TTLL5: variants seen among roughly 807,000 people sequenced by gnomAD.
The protein encoded by TTLL5 is tubulin tyrosine ligase like 5.
TTLL5 carries 132 observed loss-of-function variants against 168.4 expected under a neutral mutation model. The observed-to-expected ratio is 0.78, with a 90% confidence interval of 0.68 to 0.91. The LOEUF (loss-of-function observed/expected upper bound fraction) is 0.91. TTLL5 is among the 40% of genes least tolerant of loss of function. The pLI, the probability that TTLL5 is intolerant of heterozygous loss-of-function variation, is 0.00. For missense variants in TTLL5, 1,545 were observed against 1,581.5 expected, an observed-to-expected ratio of 0.98 and a Z score of 0.39; for synonymous variants, 546 against 558.6, an observed-to-expected ratio of 0.98 and a Z score of 0.32.
chr14:75,810,050 A>G (rs1192453044), intron 27 of TTLL5, among the ~76,000 whole-genome samples: 1 of 152,084 alleles, frequency 6.6e-6, no homozygotes, highest in East Asian at 1.9e-4. Context: ...AGGAACCTGT[A>G]TACTGTTTTC....
At chr14:75,696,336 C>A (rs183946122) in intron 6 of TTLL5, among the ~76,000 whole-genome samples, 1 of 152,002 alleles carries the variant, frequency 6.6e-6, no homozygotes, top group African/African-American at 2.4e-5. Flanking sequence ...TAATACTGTG[C>A]GCCCCACACC....
intron 28 of TTLL5, among the ~76,000 whole-genome samples, chr14:75,851,561 TC>T (rs940460988): frequency 6.6e-6 from 1 of 152,030 alleles, no homozygotes; most frequent in Non-Finnish European, 1.5e-5. Flanking sequence ...AACCCCCACT[TC>T]CCCACAGGAG....
chr14:75,759,872 G>A (rs753686424), intron 18 of TTLL5, among the ~76,000 whole-genome samples: 1 of 152,062 alleles, frequency 6.6e-6, no homozygotes, highest in Non-Finnish European at 1.5e-5. Context: ...AAACTTCATT[G>A]ATAAAGGCCT....
At chr14:75,741,229 G>C (rs1204751017) in intron 15 of TTLL5, among the ~76,000 whole-genome samples, 1 of 152,146 alleles carries the variant, frequency 6.6e-6, no homozygotes, top group Non-Finnish European at 1.5e-5. Context: ...TTTATCCTTG[G>C]TGCATGTTGC....
intron 31 of TTLL5, among the ~76,000 whole-genome samples, chr14:75,928,342 C>CATATAT (rs3034073): frequency 0.022 from 1,782 of 81,960 alleles, 121 homozygotes; most frequent in Middle Eastern, 0.063. Flanking sequence ...ATGACAAAAA[C>CATATAT]ATATATATAT....
intron 31 of TTLL5, among the ~76,000 whole-genome samples, chr14:75,921,825 C>T (rs187201135): frequency 3.5e-4 from 54 of 152,258 alleles, no homozygotes; most frequent in African/African-American, 1.3e-3. Flanking sequence ...GGCAATATGG[C>T]CATTTTCACT....
intron 26 of TTLL5, among the ~76,000 whole-genome samples, chr14:75,785,486 T>A (rs766846030): frequency 1.3e-4 from 20 of 152,176 alleles, no homozygotes; most frequent in Non-Finnish European, 2.4e-4. Context: ...GCCCCTCCTA[T>A]GTTTTATAGT....
chr14:75,740,962 T>C (rs1481439858), intron 15 of TTLL5, among the ~76,000 whole-genome samples: 2 of 152,200 alleles, frequency 1.3e-5, no homozygotes, highest in Non-Finnish European at 2.9e-5. Flanking sequence ...TCTTAGGATA[T>C]CTTGCCATTT....
chr14:75,818,794 C>T (rs755429052), intron 27 of TTLL5, among the ~76,000 whole-genome samples: 30 of 152,048 alleles, frequency 2.0e-4, no homozygotes, highest in African/African-American at 6.8e-4. Flanking sequence ...CCACCACGCC[C>T]GGACTATTTT....
At chr14:75,788,009 T>TTA (rs1446632067) in intron 26 of TTLL5, among the ~76,000 whole-genome samples, 1 of 152,118 alleles carries the variant, frequency 6.6e-6, no homozygotes, top group Non-Finnish European at 1.5e-5. Context: ...GCTTAAATAA[T>TTA]TATAGTTGGT....
chr14:75,826,034 T>G (rs2140426673), intron 28 of TTLL5, among the ~76,000 whole-genome samples: 1 of 151,806 alleles, frequency 6.6e-6, no homozygotes, highest in Non-Finnish European at 1.5e-5. Context: ...AAAGGAACGT[T>G]GGGAAGCTTA....
chr14:75,795,099 T>C (rs542880252), intron 27 of TTLL5, among the ~76,000 whole-genome samples: 17 of 152,234 alleles, frequency 1.1e-4, no homozygotes, highest in African/African-American at 4.1e-4. Context: ...CTTCTGACAC[T>C]GACTAGCTGT....
intron 30 of TTLL5, chr14:75,886,626 T>A: frequency 6.5e-7 from 1 of 1,535,526 alleles, no homozygotes; most frequent in Non-Finnish European, 8.8e-7. Context: ...AAAATTTTTT[T>A]TTTTACCATT....
At chr14:75,930,841 G>C (rs1398345649) in intron 31 of TTLL5, among the ~76,000 whole-genome samples, 1 of 152,192 alleles carries the variant, frequency 6.6e-6, no homozygotes, top group Non-Finnish European at 1.5e-5. Context: ...AGTAAGGGCA[G>C]TTTATTTAAT....
In TTLL5 at chr14:75,954,489, T is replaced by C; in HGVS notation, c.*43T>C. ...AAACAACCTGTTCACCACTCCTGGGTGCATGATTGAGGGTGAAGCATCCAC... is the reference window on the plus strand; with the variant it reads ...AAACAACCTGTTCACCACTCCTGGGCGCATGATTGAGGGTGAAGCATCCAC... On this transcript the variant is annotated 3_prime_UTR_variant, in exon 32 of 32. Coordinates refer to ENST00000298832, the MANE Select transcript of TTLL5 (RefSeq NM_015072.5). 1 of 1,610,774 alleles carries C rather than the reference T, an allele frequency of 6.2e-7. No individual in the cohort carries two copies. Among genetic ancestry groups the C allele is most frequent in the Non-Finnish European group, 8.5e-7 (1 of 1,177,358 alleles).
chr14:75,796,362 C>T (rs916086993), intron 27 of TTLL5, among the ~76,000 whole-genome samples: 3 of 152,070 alleles, frequency 2.0e-5, no homozygotes, highest in Admixed American at 6.6e-5. Flanking sequence ...AGATTTTCTC[C>T]CACTGTGTGG....
intron 7 of TTLL5, among the ~76,000 whole-genome samples, chr14:75,703,801 T>C (rs1226265722): frequency 6.6e-6 from 1 of 152,218 alleles, no homozygotes; most frequent in African/African-American, 2.4e-5. Context: ...TTCCCTTTGT[T>C]TTTCTCATTG....
chr14:75,879,115 A>G (rs1252230371), intron 29 of TTLL5, among the ~76,000 whole-genome samples: 1 of 152,256 alleles, frequency 6.6e-6, no homozygotes, highest in Non-Finnish European at 1.5e-5. Context: ...AAATTCAGCC[A>G]TTTCCAGTGT....
chr14:75,683,961 A>G (rs889836244), intron 5 of TTLL5: 1 of 269,436 alleles, frequency 3.7e-6, no homozygotes, highest in Non-Finnish European at 7.3e-6. Context: ...TTTGGGAGAG[A>G]CGAGGTTTCG....
Sources: allele counts gnomAD v4.1 joint callset (sites outside exome capture counted in the v4.1 genomes callset), GRCh38; gene constraint gnomAD v4.1.1; transcripts MANE v1.5; gene names NCBI Gene and HGNC (gene_info 2026-07-23, HGNC 2026-07-21).